Variants in PLD5 observed in about 807,000 individuals in gnomAD.
PLD5 encodes inactive phospholipase D5.
Under a neutral mutation model 61.1 loss-of-function variants are expected in PLD5, and 36 were observed. That is an observed-to-expected ratio of 0.59 (90% CI 0.45 to 0.78). PLD5 has a LOEUF of 0.78. PLD5 is among the 30% of genes least tolerant of loss of function. The probability of loss-of-function intolerance (pLI) is 0.00; values close to 1 mark genes in which losing one functional copy is unlikely to be tolerated. For missense variants in PLD5, 515 were observed against 644.4 expected (o/e 0.80, Z 2.17); for synonymous variants, 243 against 242.8 (o/e 1.00, Z -0.01).
rs72761219 is a variant in PLD5, at chr1:242,103,058, T to G, written c.1240-2276A>C. Among the ~76,000 whole-genome samples the G allele has an allele frequency of 6.5e-3, 997 of 152,242 alleles. 6 individuals carry two copies. Among genetic ancestry groups the G allele is most frequent in the Non-Finnish European group, 0.011 (739 of 68,014 alleles). ...GGGGTCAAGAAACAGTGGGTGGACA[T>G]GGACCCGTGACTTGGCCAGAGGAGA... On this transcript the variant is annotated intron_variant, in intron 8 of 9. Transcript: ENST00000536534.
chr1:242,177,538 C>A (rs1043885722), intron 5 of PLD5, among the ~76,000 whole-genome samples: 5 of 152,078 alleles, frequency 3.3e-5, no homozygotes, highest in African/African-American at 4.8e-5. Flanking sequence ...ACGTTTTGTA[C>A]ATGTACCCTA....
intron 2 of PLD5, among the ~76,000 whole-genome samples, chr1:242,323,516 T>G (rs953617706): frequency 6.6e-6 from 1 of 152,232 alleles, no homozygotes; most frequent in Admixed American, 6.5e-5. Context: ...TTCCACTGCC[T>G]TGAAGAGTGA....
At chr1:242,106,884 G>A (rs1661098545) in intron 8 of PLD5, among the ~76,000 whole-genome samples, 1 of 152,172 alleles carries the variant, frequency 6.6e-6, no homozygotes, top group African/African-American at 2.4e-5. Flanking sequence ...GAAGAGTGTT[G>A]TAGGCAGAGG....
intron 5 of PLD5, among the ~76,000 whole-genome samples, chr1:242,167,404 C>T (rs1175956414): frequency 6.6e-6 from 1 of 152,058 alleles, no homozygotes; most frequent in African/African-American, 2.4e-5. Context: ...GGGGAACTGC[C>T]CTTTATGAAA....
chr1:242,514,590 T>C (rs550983539), intron 1 of PLD5, among the ~76,000 whole-genome samples: 87 of 150,476 alleles, frequency 5.8e-4, no homozygotes, highest in African/African-American at 2.0e-3. Flanking sequence ...AGACCTAAAA[T>C]AAAAGTTGAA....
intron 5 of PLD5, among the ~76,000 whole-genome samples, chr1:242,167,808 G>A (rs531371312): frequency 6.6e-5 from 10 of 152,252 alleles, no homozygotes; most frequent in South Asian, 2.1e-4. Flanking sequence ...CGTGCATCAC[G>A]GCAGATGTAA....
At chr1:242,376,227 G>A (rs995608969) in intron 1 of PLD5, among the ~76,000 whole-genome samples, 54 of 152,098 alleles carry the variant, frequency 3.6e-4, no homozygotes, top group Non-Finnish European at 6.2e-4. Flanking sequence ...AAATGGAACT[G>A]AGGAAATCAG....
intron 3 of PLD5, among the ~76,000 whole-genome samples, chr1:242,275,054 C>T (rs316907): frequency 0.57 from 85,276 of 150,930 alleles, 24,167 homozygotes; most frequent in African/African-American, 0.62. Flanking sequence ...TACTTACACA[C>T]ATATATATAT....
chr1:242,247,672 G>T (rs1341355275), intron 4 of PLD5, among the ~76,000 whole-genome samples: 2 of 152,136 alleles, frequency 1.3e-5, no homozygotes, highest in African/African-American at 4.8e-5. Context: ...AGTTTTTCAG[G>T]TTTTTTGGGG....
chr1:242,285,663 C>A (rs1674980757), intron 3 of PLD5, among the ~76,000 whole-genome samples: 1 of 151,408 alleles, frequency 6.6e-6, no homozygotes, highest in African/African-American at 2.4e-5. Flanking sequence ...GCAATAGTAC[C>A]ACCTGCTATA....
At chr1:242,251,542 T>C (rs1358704039) in intron 4 of PLD5, among the ~76,000 whole-genome samples, 2 of 151,894 alleles carry the variant, frequency 1.3e-5, no homozygotes, top group African/African-American at 4.8e-5. Flanking sequence ...GTAGTTTCAG[T>C]GGAGTCAGGG....
At chr1:242,202,090 T>C (rs923910353) in intron 5 of PLD5, among the ~76,000 whole-genome samples, 6 of 152,248 alleles carry the variant, frequency 3.9e-5, no homozygotes, top group African/African-American at 1.4e-4. Flanking sequence ...AGCACACACC[T>C]GTAATCCCAG....
intron 7 of PLD5, among the ~76,000 whole-genome samples, chr1:242,108,621 T>C (rs1661247399): frequency 6.6e-6 from 1 of 152,214 alleles, no homozygotes; most frequent in Non-Finnish European, 1.5e-5. Context: ...TTAATTCTTA[T>C]GTTAAAACAA....
At chr1:242,313,646 T>C (rs903054015) in intron 2 of PLD5, among the ~76,000 whole-genome samples, 4 of 152,194 alleles carry the variant, frequency 2.6e-5, no homozygotes, top group African/African-American at 9.7e-5. Flanking sequence ...CCCATGTCCA[T>C]TGTGTGCCTC....
intron 1 of PLD5, among the ~76,000 whole-genome samples, chr1:242,403,031 C>T (rs1664027157): frequency 6.6e-6 from 1 of 152,248 alleles, no homozygotes; most frequent in African/African-American, 2.4e-5. Flanking sequence ...ATCCTACCTA[C>T]TCAATCAAAC....
upstream of PLD5, among the ~76,000 whole-genome samples, chr1:242,526,326 C>A (rs1018091681): frequency 4.6e-5 from 7 of 152,162 alleles, no homozygotes; most frequent in African/African-American, 1.7e-4. Context: ...GAGGAGGCAA[C>A]AGTGAGCCGA....
intron 5 of PLD5, among the ~76,000 whole-genome samples, chr1:242,151,418 T>C (rs1460656709): frequency 6.6e-6 from 1 of 152,016 alleles, no homozygotes; most frequent in Non-Finnish European, 1.5e-5. Flanking sequence ...GAAGAGTTTT[T>C]CACCAATTAT....
intron 1 of PLD5, among the ~76,000 whole-genome samples, chr1:242,358,956 C>T (rs980060056): frequency 6.6e-6 from 1 of 152,054 alleles, no homozygotes; most frequent in Non-Finnish European, 1.5e-5. Context: ...CCCTGAGGAG[C>T]TCCCAGGGGT....
intron 1 of PLD5, among the ~76,000 whole-genome samples, chr1:242,486,451 C>A (rs998760909): frequency 1.3e-5 from 2 of 152,042 alleles, no homozygotes; most frequent in African/African-American, 4.8e-5. Flanking sequence ...CCAAAAGACA[C>A]ATGAAAAAAT....
Sources: allele counts gnomAD v4.1 joint callset (sites outside exome capture counted in the v4.1 genomes callset), GRCh38; gene constraint gnomAD v4.1.1; transcripts MANE v1.5; gene names NCBI Gene and HGNC (gene_info 2026-07-23, HGNC 2026-07-21).